The following SLC26A8 variants were observed in gnomAD, a reference collection of about 807,000 sequenced individuals.
SLC26A8 encodes solute carrier family 26 member 8, also known as testis anion transporter 1.
A neutral mutation model predicts 105.0 loss-of-function variants in SLC26A8; 70 were observed. The ratio of observed to expected loss-of-function variants is 0.67; its 90% CI spans 0.55 to 0.81. The LOEUF is 0.81. Ranked by LOEUF, SLC26A8 falls within the 40% of genes least tolerant of loss-of-function variation. SLC26A8 has a pLI of 0.00. For synonymous variants in SLC26A8, 415 were observed against 438.3 expected (o/e 0.95, Z 0.66); for missense variants, 998 against 1,181.8 (o/e 0.84, Z 2.28).
intron 16 of SLC26A8, among the ~76,000 whole-genome samples, chr6:35,956,389 C>T (rs1217308116): frequency 6.8e-6 from 1 of 146,092 alleles, no homozygotes; most frequent in East Asian, 2.0e-4. Flanking sequence ...GACCACACCA[C>T]CACACTCCAG....
intron 10 of SLC26A8, among the ~76,000 whole-genome samples, chr6:35,973,515 G>A (rs1311905185): frequency 1.3e-5 from 2 of 151,850 alleles, no homozygotes; most frequent in East Asian, 1.9e-4. Context: ...ACAAAAATTC[G>A]TAAACTTTCT....
chr6:35,955,239 C>T lies in SLC26A8; in HGVS notation c.2145G>A (p.Ala715=), dbSNP rs115593646. The change falls in exon 17 of 20, where the codon GCG becomes GCA. Residue 715 remains alanine, a synonymous_variant. Transcript: ENST00000490799. ...TGGTGTGGACACTGGGCAGTAGAGACGCATCTGAGTAAGGGATGAGTGATC... is the reference window on the plus strand; with the variant it reads ...TGGTGTGGACACTGGGCAGTAGAGATGCATCTGAGTAAGGGATGAGTGATC... ...GRRSLIPYSD[A]SLLPSVHTII... 95 of 1,614,138 alleles carry T rather than the reference C, an allele frequency of 5.9e-5. No homozygotes were observed. In the Admixed American group the frequency reaches 8.0e-4, roughly 14 times the overall value.
intron 9 of SLC26A8, among the ~76,000 whole-genome samples, chr6:35,975,909 A>T (rs1178671838): frequency 8.7e-6 from 1 of 115,604 alleles, no homozygotes; most frequent in African/African-American, 3.3e-5. Flanking sequence ...GCGAAACTCC[A>T]TCTCAAAAAA....
chr6:35,953,412 T>C (rs976136002), intron 17 of SLC26A8, among the ~76,000 whole-genome samples: 2 of 152,232 alleles, frequency 1.3e-5, no homozygotes, highest in Admixed American at 6.5e-5. Context: ...AGGCCACTTA[T>C]GAGCTGTGAG....
At chr6:35,990,816 T>C (rs1761121678) in intron 7 of SLC26A8, among the ~76,000 whole-genome samples, 1 of 152,214 alleles carries the variant, frequency 6.6e-6, no homozygotes, top group Admixed American at 6.5e-5. Flanking sequence ...GGTGCAACTA[T>C]AGGAATTTCT....
chr6:35,955,897 C>T (rs1379827659), intron 16 of SLC26A8, among the ~76,000 whole-genome samples: 1 of 152,038 alleles, frequency 6.6e-6, no homozygotes, highest in Non-Finnish European at 1.5e-5. Context: ...GTCTCAGCAC[C>T]CTCTTCCTTC....
Position 35,977,297 on chromosome 6 carries a change from T to C in SLC26A8, c.1080A>G (p.Gln360=). 1 of 1,613,986 alleles carries C rather than the reference T, an allele frequency of 6.2e-7. No individual in the cohort carries two copies. Among genetic ancestry groups the C allele is most frequent in the Non-Finnish European group, 8.5e-7 (1 of 1,179,932 alleles). ...AGCTCACCAAAGATAAGGAGAAGGC[T>C]TGTAAAATTATCTTGGGAAGAAGGC... ...DFSLLPKIIL[Q]AFSLSLVSSF... Residue 360 remains glutamine, a synonymous_variant, in exon 9 of 20, where the codon CAA becomes CAG. Coordinates refer to ENST00000490799, the MANE Select transcript of SLC26A8 (RefSeq NM_052961.4).
intron 5 of SLC26A8, among the ~76,000 whole-genome samples, chr6:35,992,990 C>T (rs952873177): frequency 6.6e-6 from 1 of 152,016 alleles, no homozygotes; most frequent in African/African-American, 2.4e-5. Flanking sequence ...GTGATCAGAA[C>T]AAGCCTTTGC....
chr6:35,944,393 G>T, intron 19 of SLC26A8, 53 bp from the exon 20 acceptor site: 1 of 1,277,282 alleles, frequency 7.8e-7, no homozygotes, highest in Non-Finnish European at 1.1e-6. Flanking sequence ...ACCTTCTGCT[G>T]AACGCAGTGG....
At chr6:35,964,966 CAAAAA>C (rs34171959) in intron 11 of SLC26A8, among the ~76,000 whole-genome samples, 1 of 122,904 alleles carries the variant, frequency 8.1e-6, no homozygotes. Flanking sequence ...GACCATGTCT[CAAAAA>C]AAAAAAAAAG....
At chr6:35,996,021 A>G (rs1375265585) in intron 5 of SLC26A8, among the ~76,000 whole-genome samples, 1 of 152,178 alleles carries the variant, frequency 6.6e-6, no homozygotes, top group African/African-American at 2.4e-5. Context: ...ATTATAACTT[A>G]TTGATGCTTA....
rs1562023104 is a variant in SLC26A8, at chr6:35,959,713, CCTCTTT to C, written c.1726_1731del (p.Lys576_Glu577del). 6.2e-7 allele frequency: 1 copy of C among 1,606,026 alleles called. No homozygotes were observed. On this transcript the variant is annotated inframe_deletion and splice_region_variant, in exon 15 of 20. Transcript: ENST00000490799. The stretch of plus-strand genomic sequence containing the variant: ...AGAAAGGCGGGCAGGAGGGCAGATA[CCTCTTT>C]TAACAGCTTATGCTTTAGGTAGTAA...
Position 35,955,184 on chromosome 6 carries a change from C to G in SLC26A8, c.2200G>C (p.Val734Leu), listed in dbSNP as rs138344479. Residue 734 changes from valine (V) to leucine (L), a missense_variant, in exon 17 of 20, where the codon GTG (valine) becomes CTG (leucine). Transcript: ENST00000490799. Reference sequence around the variant, plus strand: ...AATACGACTAACCCCCGTGAATCCACGTAGTGTACCATGGAGAAATCCAGG... The same window carrying G: ...AATACGACTAACCCCCGTGAATCCAGGTAGTGTACCATGGAGAAATCCAGG... ...IILDFSMVHYVDSRGLVVLRQ... is the reference protein window; with the variant it reads ...IILDFSMVHYLDSRGLVVLRQ... The G allele has an allele frequency of 4.3e-6, 7 of 1,614,134 alleles. No homozygotes were observed. Among genetic ancestry groups the G allele is most frequent in the Middle Eastern group, 1.6e-4 (1 of 6,062 alleles).
chr6:36,017,521 A>G (rs1436257821), intron 2 of SLC26A8, among the ~76,000 whole-genome samples: 1 of 151,876 alleles, frequency 6.6e-6, no homozygotes, highest in Non-Finnish European at 1.5e-5. Flanking sequence ...AGTCCCCACT[A>G]CTCAGGAGGC....
At chr6:35,972,285 G>A (rs1283354246) in intron 10 of SLC26A8, among the ~76,000 whole-genome samples, 1 of 152,032 alleles carries the variant, frequency 6.6e-6, no homozygotes, top group East Asian at 1.9e-4. Context: ...AGCCCCCAGC[G>A]GGTTGGCGCA....
intron 2 of SLC26A8, among the ~76,000 whole-genome samples, chr6:36,015,800 C>G (rs181404217): frequency 1.4e-5 from 2 of 147,270 alleles, no homozygotes; most frequent in Admixed American, 1.4e-4. Context: ...AGGAGAATGT[C>G]TCAAGGAGAG....
At chr6:35,974,342 A>C (rs962238625) in intron 10 of SLC26A8, among the ~76,000 whole-genome samples, 1 of 152,140 alleles carries the variant, frequency 6.6e-6, no homozygotes, top group African/African-American at 2.4e-5. Flanking sequence ...AACAAAAAAC[A>C]AAACTCATGA....
At position 36,013,420 on chromosome 6, in the gene SLC26A8, A is replaced by G. The variant is rs966118253; in HGVS notation, c.189-1048T>C. ...CCATGTTGGCCAGGCTGGTCAGGTG[A>G]TCTGCTCGCCTCGGCCTCCCAAAGT... is the stretch of plus-strand genomic sequence containing the variant. On this transcript the variant is annotated intron_variant, in intron 2 of 19. Transcript: ENST00000490799. Among the ~76,000 whole-genome samples, 30 of 152,016 alleles carry G rather than the reference A, an allele frequency of 2.0e-4. 1 individual carries two copies. The highest frequency in any genetic ancestry group is 8.8e-5 in the Non-Finnish European group (6 of 68,004).
rs1298871710 is a variant in SLC26A8 at position 35,944,129 on chromosome 6, T to C, written c.2684A>G (p.Lys895Arg). The C allele has an allele frequency of 1.9e-6, 3 of 1,613,944 alleles. No homozygotes were observed. The African/African-American group carries it at 4.0e-5, about 22-fold the overall frequency. ...CTGGGGCTCCATCTCGGTCTGGGTCTTGGTCTCGGTCTCAGCCTTGGGCTC... is the reference window on the plus strand; with the variant it reads ...CTGGGGCTCCATCTCGGTCTGGGTCCTGGTCTCGGTCTCAGCCTTGGGCTC... Reference protein sequence around the residue: ...EMEPKAETETKTQTEMEPQPE... With the variant: ...EMEPKAETETRTQTEMEPQPE... The change falls in exon 20 of 20, where the codon AAG (lysine) becomes AGG (arginine). Residue 895 changes from lysine (K) to arginine (R), a missense_variant. Lys to Arg is a conservative substitution (Grantham distance 26). Transcript: ENST00000490799.
Sources: gnomAD v4.1 joint callset for allele counts (sites outside exome capture counted in the v4.1 genomes callset) on GRCh38, gnomAD v4.1.1 for gene constraint, MANE v1.5 for transcripts, NCBI Gene and HGNC (gene_info 2026-07-23, HGNC 2026-07-21) for gene names.